DENND4A: variants seen among roughly 807,000 people sequenced by gnomAD.
DENND4A encodes the protein DENN domain containing 4A, also known as C-myc promoter-binding protein.
DENND4A carries 70 observed loss-of-function variants against 199.3 expected under a neutral mutation model. The observed-to-expected ratio is 0.35, with a 90% CI of 0.29 to 0.43. The LOEUF is 0.43. DENND4A is among the 20% of genes least tolerant of loss of function. The pLI is 1.00. For missense variants in DENND4A, 1,723 were observed against 2,255.8 expected (o/e 0.76, Z 4.78); for synonymous variants, 686 against 766.9 (o/e 0.89, Z 1.74).
At chr15:65,783,310 T>C (rs1596704927) in intron 1 of DENND4A, among the ~76,000 whole-genome samples, 1 of 152,218 alleles carries the variant, frequency 6.6e-6, no homozygotes. Context: ...AGATGTCAGA[T>C]GGCGTGAGCC....
Position 65,754,045 on chromosome 15 carries a change from G to A in DENND4A, c.312-1417C>T, listed in dbSNP as rs573050776. The A allele has an allele frequency of 4.6e-5, 7 of 152,086 alleles. No individual in the cohort carries two copies. In the East Asian group the frequency reaches 1.4e-3, roughly 29 times the overall value. 9.4% of individuals were successfully genotyped at this position (152,086 alleles called of 1,614,324 possible). A position where few individuals can be genotyped will look rare whatever the true frequency, so the allele number is the denominator to read the frequency against. ...GACAGGGTTTCGCCATGTTGGTCAAGCTGATCTCGAACGCCTGACCTCAGT... is the reference window on the plus strand; with the variant it reads ...GACAGGGTTTCGCCATGTTGGTCAAACTGATCTCGAACGCCTGACCTCAGT... On this transcript the variant is annotated intron_variant, in intron 3 of 32. Coordinates refer to ENST00000443035, the MANE Select transcript of DENND4A (RefSeq NM_001320835.1).
At chr15:65,684,835 T>C (rs1001278215) in intron 23 of DENND4A, among the ~76,000 whole-genome samples, 1 of 150,380 alleles carries the variant, frequency 6.6e-6, no homozygotes. Context: ...TTTTTTTTTT[T>C]TTTTTTGAGA....
chr15:65,728,888 T>C (rs1221867629), intron 11 of DENND4A, 184 bp downstream of exon 11: 2 of 662,090 alleles, frequency 3.0e-6, no homozygotes, highest in African/African-American at 1.8e-5. Flanking sequence ...AAACCTTCTT[T>C]AATACTCTAA....
chr15:65,718,020 GT>G (rs747454450), intron 12 of DENND4A, 24 bp from the exon 13 acceptor site: 5 of 1,522,158 alleles, frequency 3.3e-6, no homozygotes, highest in Non-Finnish European at 4.4e-6. Context: ...CAGTGTTAGT[GT>G]TTTCTCCAAA....
intron 23 of DENND4A, 26 bp from the exon 24 acceptor site, chr15:65,676,660 T>G (rs776111136): frequency 4.0e-5 from 63 of 1,558,958 alleles, no homozygotes; most frequent in Non-Finnish European, 5.4e-5. Context: ...TAAGCTTAAT[T>G]TCTTGTACAT....
At chr15:65,776,568 C>T (rs1456190979) in intron 1 of DENND4A, among the ~76,000 whole-genome samples, 1 of 152,170 alleles carries the variant, frequency 6.6e-6, no homozygotes, top group African/African-American at 2.4e-5. Context: ...TACCTACACA[C>T]CTATCCTCTG....
At chr15:65,704,331 G>T (rs952684729) in intron 15 of DENND4A, among the ~76,000 whole-genome samples, 1 of 152,074 alleles carries the variant, frequency 6.6e-6, no homozygotes, top group Non-Finnish European at 1.5e-5. Context: ...GAAAAAAACC[G>T]ACAGATTCTT....
chr15:65,698,814 T>C (rs1187811485), intron 20 of DENND4A, among the ~76,000 whole-genome samples: 2 of 138,948 alleles, frequency 1.4e-5, no homozygotes, highest in African/African-American at 5.3e-5. Flanking sequence ...CTTGGCTCAC[T>C]GCAACCTCCA....
chr15:65,786,376 G>C (rs2077566982), intron 1 of DENND4A, among the ~76,000 whole-genome samples: 1 of 152,008 alleles, frequency 6.6e-6, no homozygotes, highest in South Asian at 2.1e-4. Context: ...AAACTTACTA[G>C]AACATACATG....
chr15:65,686,559 T>C (rs1292123883), intron 23 of DENND4A, among the ~76,000 whole-genome samples: 3 of 152,162 alleles, frequency 2.0e-5, no homozygotes, highest in Non-Finnish European at 1.5e-5. Flanking sequence ...TGATGAACTG[T>C]TTCTTATAAT....
chr15:65,709,695 C>CAAAAA (rs1171075195), intron 14 of DENND4A, among the ~76,000 whole-genome samples: 9 of 36,166 alleles, frequency 2.5e-4, no homozygotes, highest in Non-Finnish European at 2.8e-4. Context: ...AACTCCATCT[C>CAAAAA]AAAAAAAAAA....
chr15:65,714,138 G>A (rs1389019496), intron 14 of DENND4A, among the ~76,000 whole-genome samples: 2 of 152,052 alleles, frequency 1.3e-5, no homozygotes, highest in African/African-American at 4.8e-5. Flanking sequence ...TTGGCCGGGT[G>A]CAGTGGCTTA....
intron 4 of DENND4A, among the ~76,000 whole-genome samples, chr15:65,744,499 T>G (rs980331277): frequency 3.3e-5 from 5 of 152,152 alleles, no homozygotes; most frequent in African/African-American, 1.2e-4. Context: ...CATCATCTTA[T>G]CAGAGAGTCT....
At chr15:65,739,320 A>G (rs749497378) in intron 5 of DENND4A, among the ~76,000 whole-genome samples, 19 of 152,220 alleles carry the variant, frequency 1.2e-4, no homozygotes, top group African/African-American at 4.6e-4. Context: ...TAGCACAAAT[A>G]CAGGAAAATT....
chr15:65,768,313 A>G (rs1357629590), intron 1 of DENND4A, among the ~76,000 whole-genome samples: 2 of 152,040 alleles, frequency 1.3e-5, no homozygotes, highest in Non-Finnish European at 2.9e-5. Context: ...TACTGCACCT[A>G]GCCTGTTTTT....
intron 3 of DENND4A, among the ~76,000 whole-genome samples, chr15:65,754,311 C>T (rs1048651160): frequency 2.0e-5 from 3 of 152,046 alleles, no homozygotes; most frequent in Non-Finnish European, 4.4e-5. Flanking sequence ...TCTTGTTTTG[C>T]TTTTTCTTAA....
intron 2 of DENND4A, among the ~76,000 whole-genome samples, chr15:65,760,391 A>C (rs958329292): frequency 2.6e-5 from 4 of 152,030 alleles, no homozygotes; most frequent in African/African-American, 7.2e-5. Context: ...CCAGCTACTC[A>C]GGAGGCTGAG....
chr15:65,719,329 T>C (rs954070344), intron 12 of DENND4A: 1 of 151,134 alleles, frequency 6.6e-6, no homozygotes, highest in African/African-American at 2.4e-5. Flanking sequence ...TTTCCCTTTT[T>C]TTTTTTTTTA....
intron 11 of DENND4A, among the ~76,000 whole-genome samples, chr15:65,728,242 A>G (rs1167056949): frequency 2.0e-5 from 3 of 152,036 alleles, no homozygotes; most frequent in African/African-American, 7.2e-5. Flanking sequence ...ACCTCAAGTG[A>G]TCCGTCCACC....
Sources: gnomAD v4.1 joint callset for allele counts (sites outside exome capture counted in the v4.1 genomes callset) on GRCh38, gnomAD v4.1.1 for gene constraint, MANE v1.5 for transcripts, NCBI Gene and HGNC (gene_info 2026-07-23, HGNC 2026-07-21) for gene names.